The following ACBD6 variants were observed in gnomAD, a reference collection of about 807,000 sequenced individuals.
The protein encoded by ACBD6 is acyl-CoA binding domain containing 6, also known as acyl-CoA-binding domain-containing protein 6.
In ACBD6, 28 loss-of-function variants were observed where a neutral mutation model predicts 37.2. That is an observed-to-expected ratio of 0.75 (90% CI 0.56 to 1.03). ACBD6 has a LOEUF of 1.03. Among genes scored for constraint, ACBD6 ranks in the 50% least tolerant of loss-of-function variants. ACBD6 has a pLI of 0.00. For missense variants in ACBD6, 340 were observed against 337.4 expected (o/e 1.01, Z -0.06); for synonymous variants, 113 against 126.8 (o/e 0.89, Z 0.73).
chr1:180,278,016 T>C (rs200798110), intron 9 of ACBD6: 15 of 152,324 alleles, frequency 9.8e-5, no homozygotes, highest in African/African-American at 3.6e-4. Context: ...AAACTGGTGA[T>C]TTCCAACTGC....
chr1:180,485,156 T>C (rs1651213683), intron 3 of ACBD6, among the ~76,000 whole-genome samples: 1 of 151,998 alleles, frequency 6.6e-6, no homozygotes, highest in Admixed American at 6.6e-5. Context: ...TGAGAGGGCC[T>C]AGAAGCAATG....
intron 6 of ACBD6, among the ~76,000 whole-genome samples, chr1:180,319,268 A>T (rs1030296633): frequency 1.3e-5 from 2 of 152,248 alleles, no homozygotes; most frequent in African/African-American, 2.4e-5. Flanking sequence ...AGTGTCTTGC[A>T]TATACTGTGT....
intron 6 of ACBD6, among the ~76,000 whole-genome samples, chr1:180,338,685 A>C (rs187654469): frequency 0.018 from 2,775 of 152,310 alleles, 87 homozygotes; most frequent in African/African-American, 0.062. Flanking sequence ...AATGGGATCT[A>C]ATTAAAAACT....
At chr1:180,349,907 T>A (rs1047681370) in intron 6 of ACBD6, among the ~76,000 whole-genome samples, 1 of 151,812 alleles carries the variant, frequency 6.6e-6, no homozygotes, top group Non-Finnish European at 1.5e-5. Flanking sequence ...CGTAAATATT[T>A]TTTTTTCTAT....
At chr1:180,325,052 G>C (rs949996099) in intron 6 of ACBD6, among the ~76,000 whole-genome samples, 7 of 152,026 alleles carry the variant, frequency 4.6e-5, no homozygotes, top group Admixed American at 1.3e-4. Flanking sequence ...ACCTCTGGGA[G>C]CTTGATTATT....
chr1:180,470,499 A>G (rs1252041955), intron 3 of ACBD6, among the ~76,000 whole-genome samples: 3 of 152,226 alleles, frequency 2.0e-5, no homozygotes, highest in Non-Finnish European at 2.9e-5. Context: ...TAACTGCAAA[A>G]GCACTACTTA....
chr1:180,319,563 A>G (rs929508955), intron 6 of ACBD6, among the ~76,000 whole-genome samples: 12 of 152,184 alleles, frequency 7.9e-5, no homozygotes, highest in Non-Finnish European at 1.5e-4. Context: ...TATTGACCAT[A>G]GTCACCCTGT....
intron 6 of ACBD6, among the ~76,000 whole-genome samples, chr1:180,390,487 C>T (rs1654032415): frequency 6.6e-6 from 1 of 152,072 alleles, no homozygotes; most frequent in South Asian, 2.1e-4. Flanking sequence ...GAGATGCAGG[C>T]TCTTTTTTGG....
At chr1:180,346,789 T>C (rs1273441920) in intron 6 of ACBD6, among the ~76,000 whole-genome samples, 6 of 152,054 alleles carry the variant, frequency 3.9e-5, no homozygotes, top group African/African-American at 1.2e-4. Flanking sequence ...GTAATCCCAA[T>C]ACTTTGGGAG....
intron 6 of ACBD6, among the ~76,000 whole-genome samples, chr1:180,316,056 TA>T (rs1446717197): frequency 6.6e-6 from 1 of 152,110 alleles, no homozygotes; most frequent in East Asian, 1.9e-4. Flanking sequence ...TCTTTTTAGA[TA>T]CAACCTTTAT....
At chr1:180,271,360 G>A (rs1321561600) in exon 14 of ACBD6, 1 of 1,614,136 alleles carries the variant, frequency 6.2e-7, no homozygotes, top group Non-Finnish European at 8.5e-7. Context: ...AAGCCAGTAA[G>A]CAGTGGTTTT....
At chr1:180,438,386 C>A (rs1209842545) in intron 3 of ACBD6, 1 of 152,674 alleles carries the variant, frequency 6.5e-6, no homozygotes, top group East Asian at 1.9e-4. Context: ...AGGACATAAC[C>A]ATTTAAGAAG....
At chr1:180,396,121 T>C (rs533113109) in intron 6 of ACBD6, among the ~76,000 whole-genome samples, 2 of 152,200 alleles carry the variant, frequency 1.3e-5, no homozygotes, top group South Asian at 4.2e-4. Context: ...GAAAGTAGAA[T>C]GGTAGTTGCC....
chr1:180,501,540 A>ACTCCCGACCTCAGGTGATC (rs1651973172), intron 1 of ACBD6, among the ~76,000 whole-genome samples: 1 of 151,738 alleles, frequency 6.6e-6, no homozygotes, highest in African/African-American at 2.4e-5. Flanking sequence ...CTGGTCTCCA[A>ACTCCCGACCTCAGGTGATC]CTCCCGACCT....
chr1:180,486,599 T>C (rs1651273433), intron 3 of ACBD6, among the ~76,000 whole-genome samples: 1 of 152,142 alleles, frequency 6.6e-6, no homozygotes, highest in Admixed American at 6.6e-5. Context: ...AAATAATAAA[T>C]GAAGACAAAA....
At chr1:180,377,949 A>AAATAATAATAATAAT (rs71118455) in intron 6 of ACBD6, among the ~76,000 whole-genome samples, 6 of 143,390 alleles carry the variant, frequency 4.2e-5, no homozygotes, top group Non-Finnish European at 9.1e-5. Context: ...CTCTGTCTCA[A>AAATAATAATAATAAT]AATAATAATA....
chr1:180,323,782 TGTAACTTTATAGGTGAA>T (rs1651162229), intron 6 of ACBD6, among the ~76,000 whole-genome samples: 1 of 152,088 alleles, frequency 6.6e-6, no homozygotes, highest in Admixed American at 6.6e-5. Context: ...TCAGTCTGTG[TGTAACTTTATAGGTGAA>T]GTGTGTCTCT....
chr1:180,377,342 G>A (rs1653473466), intron 6 of ACBD6, among the ~76,000 whole-genome samples: 1 of 152,136 alleles, frequency 6.6e-6, no homozygotes, highest in Non-Finnish European at 1.5e-5. Context: ...CATATATTTT[G>A]TAGCTCTGGC....
downstream of ACBD6, among the ~76,000 whole-genome samples, chr1:180,285,132 G>A (rs1223968458): frequency 6.6e-6 from 1 of 152,066 alleles, no homozygotes; most frequent in Non-Finnish European, 1.5e-5. Context: ...GCGAGACCCT[G>A]ACTCAAAAAG....
Sources: gnomAD v4.1 joint callset for allele counts (sites outside exome capture counted in the v4.1 genomes callset) on GRCh38, gnomAD v4.1.1 for gene constraint, MANE v1.5 for transcripts, NCBI Gene and HGNC (gene_info 2026-07-23, HGNC 2026-07-21) for gene names.